The following DBT variants were observed in gnomAD, a reference collection of about 807,000 sequenced individuals.
The protein encoded by DBT is dihydrolipoamide branched chain transacylase E2, also known as lipoamide acyltransferase component of branched-chain alpha-keto acid dehydrogenase complex, mitochondrial.
DBT carries 40 observed loss-of-function variants against 51.3 expected under a neutral mutation model. That is an observed-to-expected ratio of 0.78 (90% confidence interval 0.61 to 1.02). DBT has a LOEUF of 1.02. Among genes scored for constraint, DBT ranks in the 50% least tolerant of loss-of-function variants. The pLI is 0.00. For synonymous variants in DBT, 181 were observed against 190.4 expected (o/e 0.95, Z 0.41); for missense variants, 510 against 580.2 (o/e 0.88, Z 1.24).
At chr1:100,213,898 T>C (rs1335808524) in intron 7 of DBT, among the ~76,000 whole-genome samples, 2 of 151,412 alleles carry the variant, frequency 1.3e-5, no homozygotes, top group African/African-American at 2.4e-5. Context: ...TTTTGCAGTC[T>C]TCAATTTGAG....
chr1:100,245,091 C>G (rs1664464482), intron 1 of DBT, among the ~76,000 whole-genome samples: 1 of 152,028 alleles, frequency 6.6e-6, no homozygotes, highest in South Asian at 2.1e-4. Flanking sequence ...ATTTTTCAAG[C>G]TAGAATTCTA....
intron 4 of DBT, among the ~76,000 whole-genome samples, chr1:100,221,345 T>C (rs1011654797): frequency 1.3e-5 from 2 of 152,192 alleles, no homozygotes; most frequent in African/African-American, 2.4e-5. Flanking sequence ...AAAATGTTTA[T>C]TTTTTGCTTT....
At chr1:100,249,365 C>T (rs1664774234) in intron 1 of DBT, 1 of 329,778 alleles carries the variant, frequency 3.0e-6, no homozygotes. Flanking sequence ...TCTTCCTCTA[C>T]ACACTGTAGA....
intron 4 of DBT, among the ~76,000 whole-genome samples, chr1:100,220,966 G>A (rs1662824077): frequency 6.6e-6 from 1 of 152,162 alleles, no homozygotes; most frequent in African/African-American, 2.4e-5. Flanking sequence ...AGATCCAAAC[G>A]AAAATCAGGG....
intron 4 of DBT, among the ~76,000 whole-genome samples, chr1:100,220,074 A>C (rs750906420): frequency 1.3e-5 from 2 of 151,972 alleles, no homozygotes; most frequent in Non-Finnish European, 2.9e-5. Flanking sequence ...GGGCCCAAGA[A>C]GTCAAGGCTG....
At chr1:100,208,910 CAAAAAAA>C (rs11369687) in intron 8 of DBT, among the ~76,000 whole-genome samples, 2 of 109,440 alleles carry the variant, frequency 1.8e-5, no homozygotes, top group Admixed American at 1.0e-4. Flanking sequence ...GACTCTGTAT[CAAAAAAA>C]AAAAAAAAAG....
intron 3 of DBT, among the ~76,000 whole-genome samples, chr1:100,234,858 T>C (rs892719274): frequency 6.6e-6 from 1 of 152,174 alleles, no homozygotes; most frequent in African/African-American, 2.4e-5. Flanking sequence ...AAAGGATCTT[T>C]AATGGTATAA....
rs1350873160 is a variant in DBT, at chr1:100,189,551, G to GAAC, written c.*6701_*6703dup. 1 of 152,152 alleles carries GAAC rather than the reference G, an allele frequency of 6.6e-6. No individual in the cohort carries two copies. The highest frequency in any genetic ancestry group is 1.5e-5 in the Non-Finnish European group (1 of 68,048). The allele number at this position is 152,152 out of a possible 1,614,324, so 9.4% of individuals were successfully genotyped here. On this transcript the variant is annotated 3_prime_UTR_variant, in exon 11 of 11. Coordinates refer to ENST00000370132, the MANE Select transcript of DBT (RefSeq NM_001918.5). ...AGATCAGGACAGAGGTGGGTTCAGA[G>GAAC]AACTATTTAGGAGACATCTGGGTGG...
intron 8 of DBT, among the ~76,000 whole-genome samples, 173 bp from the exon 9 acceptor site, chr1:100,206,809 C>T (rs935920023): frequency 5.7e-4 from 86 of 152,210 alleles, no homozygotes; most frequent in Non-Finnish European, 8.5e-4. Context: ...TTGGGCTAGG[C>T]GCAGTGGCTC....
chr1:100,240,685 A>G, intron 2 of DBT, 76 bp downstream of exon 2: 2 of 1,233,370 alleles, frequency 1.6e-6, no homozygotes, highest in South Asian at 1.2e-5. Context: ...AAAAAGTCTC[A>G]ATCAACTACT....
chr1:100,213,429 T>A (rs997938970), intron 7 of DBT: 1 of 1,582,334 alleles, frequency 6.3e-7, no homozygotes, highest in African/African-American at 1.3e-5. Flanking sequence ...TCCTACCTCG[T>A]CACACGGACA....
chr1:100,213,612 T>C, intron 7 of DBT: 1 of 1,601,516 alleles, frequency 6.2e-7, no homozygotes, highest in Admixed American at 1.7e-5. Flanking sequence ...TTTGGGTTCA[T>C]TTGCTGTTTT....
At chr1:100,201,609 C>T (rs1042863123) in intron 10 of DBT, among the ~76,000 whole-genome samples, 2 of 152,138 alleles carry the variant, frequency 1.3e-5, no homozygotes, top group Non-Finnish European at 2.9e-5. Flanking sequence ...TTGTCAGATT[C>T]ACCAAGGTTG....
chr1:100,196,448 A>G, intron 10 of DBT, 26 bp from the exon 11 acceptor site: 3 of 1,518,348 alleles, frequency 2.0e-6, no homozygotes, highest in Non-Finnish European at 2.7e-6. Context: ...AAAAAAAAAA[A>G]AAAAAAAAAA....
At chr1:100,244,013 C>CAA (rs1664388931) in intron 1 of DBT, among the ~76,000 whole-genome samples, 1 of 137,124 alleles carries the variant, frequency 7.3e-6, no homozygotes, top group Non-Finnish European at 1.5e-5. Context: ...TGGTTCATAG[C>CAA]TGTAATCTCA....
chr1:100,211,650 A>G lies in DBT; in HGVS notation c.940-879T>C, dbSNP rs78556401. Reference sequence around the variant, plus strand: ...TCTTGAACTAGAGAGTTAAGAAAAAAGTTTAAATATATAGAGACATTTCAT... The same window carrying G: ...TCTTGAACTAGAGAGTTAAGAAAAAGGTTTAAATATATAGAGACATTTCAT... On this transcript the variant is annotated intron_variant, in intron 7 of 10. Coordinates refer to ENST00000370132, the MANE Select transcript of DBT (RefSeq NM_001918.5). 9.4e-3 allele frequency among the ~76,000 whole-genome samples: 1,425 copies of G among 152,284 alleles called. 25 individuals are homozygous for G. Among genetic ancestry groups the G allele is most frequent in the African/African-American group, 0.033 (1,374 of 41,560 alleles).
At chr1:100,230,627 T>C (rs1397471639) in intron 4 of DBT, 106 bp downstream of exon 4, 2 of 480,714 alleles carry the variant, frequency 4.2e-6, no homozygotes, top group Non-Finnish European at 6.8e-6. Context: ...TAAATAGGAA[T>C]AGAAAAAAAA....
chr1:100,239,673 C>A (rs916011227), intron 2 of DBT, among the ~76,000 whole-genome samples: 2 of 151,776 alleles, frequency 1.3e-5, no homozygotes, highest in African/African-American at 4.8e-5. Flanking sequence ...GAGTTTTAGA[C>A]CAGCCTGGGC....
chr1:100,249,191 A>G, intron 1 of DBT: 2 of 661,430 alleles, frequency 3.0e-6, no homozygotes, highest in Non-Finnish European at 3.8e-6. Flanking sequence ...TGGGAGAAAG[A>G]GAAGGAAGTG....
Sources: allele counts gnomAD v4.1 joint callset (sites outside exome capture counted in the v4.1 genomes callset), GRCh38; gene constraint gnomAD v4.1.1; transcripts MANE v1.5; gene names NCBI Gene and HGNC (gene_info 2026-07-23, HGNC 2026-07-21).